Variants in PCDHGB6 observed in about 807,000 individuals in gnomAD.
The protein encoded by PCDHGB6 is protocadherin gamma subfamily B, 6.
Under a neutral mutation model 59.1 loss-of-function variants are expected in PCDHGB6, and 51 were observed. The ratio of observed to expected loss-of-function variants is 0.86; its 90% CI spans 0.69 to 1.09. PCDHGB6 has a LOEUF of 1.09. Among genes scored for constraint, PCDHGB6 ranks in the 50% least tolerant of loss-of-function variants. The pLI, the probability that PCDHGB6 is intolerant of heterozygous loss-of-function variation, is 0.00. For missense variants in PCDHGB6, 1,148 were observed against 1,205.1 expected (o/e 0.95, Z 0.70); for synonymous variants, 466 against 495.1 (o/e 0.94, Z 0.78).
Position 141,409,803 on chromosome 5 carries a change from C to G in PCDHGB6, c.1601C>G (p.Ala534Gly), listed in dbSNP as rs779815582. The G allele has an allele frequency of 1.4e-5, 23 of 1,611,528 alleles. No homozygotes were observed. The highest frequency in any genetic ancestry group is 7.7e-5 in the South Asian group (7 of 90,886). ...CGCGCCTTCGCGCTCACGCTGCAGG[C>G]CCGCGACCACGGCTCGCCCACGCTC... ...QLRAFALTLQARDHGSPTLSA... is the reference protein window; with the variant it reads ...QLRAFALTLQGRDHGSPTLSA... Residue 534 changes from alanine (A) to glycine (G), a missense_variant, in exon 1 of 4, where the codon GCC becomes GGC. By Grantham distance (60) the Ala-to-Gly change is moderately conservative. Around this residue, in one of 5 missense-constraint regions of PCDHGB6, gnomAD observed 549 missense variants for 527.5 expected, o/e 1.04. Coordinates refer to ENST00000520790, the MANE Select transcript of PCDHGB6 (RefSeq NM_018926.3).
chr5:141,436,051 A>G (rs2097793554), intron 1 of PCDHGB6, among the ~76,000 whole-genome samples: 1 of 152,194 alleles, frequency 6.6e-6, no homozygotes, highest in Admixed American at 6.5e-5. Flanking sequence ...ATTAGTTTTC[A>G]AATAGAATTT....
chr5:141,511,138 A>C lies in PCDHGB6; in HGVS notation c.2758A>C (p.Asn920His). 6.2e-7 allele frequency: 1 copy of C among 1,614,210 alleles called. No homozygotes were observed. ...DGKAPAGGNGNKKKSGKKEKK is the reference protein window; with the variant it reads ...DGKAPAGGNGHKKKSGKKEKK ...CAAGGCCCCAGCAGGTGGCAATGGCAACAAGAAGAAGTCGGGCAAGAAGGA... is the reference window on the plus strand; with the variant it reads ...CAAGGCCCCAGCAGGTGGCAATGGCCACAAGAAGAAGTCGGGCAAGAAGGA... Residue 920 changes from asparagine to histidine, a missense_variant, in exon 4 of 4, where the codon AAC becomes CAC. This residue lies in a region of PCDHGB6 where 283 missense variants were observed against 318.6 expected (regional missense o/e 0.89). Transcript: ENST00000520790.
Position 141,491,755 on chromosome 5 carries a change from G to T in PCDHGB6, c.2419-3052G>T, listed in dbSNP as rs1402188587. 3 of 1,582,078 alleles carry T rather than the reference G, an allele frequency of 1.9e-6. No individual in the cohort carries two copies. Among genetic ancestry groups the T allele is most frequent in the Non-Finnish European group, 2.6e-6 (3 of 1,165,458 alleles). On this transcript the variant is annotated intron_variant, in intron 1 of 3. Coordinates refer to ENST00000520790, the MANE Select transcript of PCDHGB6 (RefSeq NM_018926.3). This position sits in a 1 kb window ranked among gnomAD's most constrained non-coding sequence, Gnocchi z 6.9. ...CCCTGGGGGCGGCACTGGAGAAGCC[G>T]CCCGTCCTCATAAGGGATTGAACTT...
intron 1 of PCDHGB6, chr5:141,440,723 T>C (rs2098196558): frequency 6.6e-6 from 1 of 152,178 alleles, no homozygotes; most frequent in Non-Finnish European, 1.5e-5. Flanking sequence ...GTTGATCCTG[T>C]GTTAGAGAAG....
At position 141,511,563 on chromosome 5, in the gene PCDHGB6, C is replaced by T. The variant is rs911782127; in HGVS notation, c.*390C>T. ...CCCCACTCCAACAGTTCCTCTTTCCCGAGTAAGGTGGTTGGGGTGTTGAAG... is the reference window on the plus strand; with the variant it reads ...CCCCACTCCAACAGTTCCTCTTTCCTGAGTAAGGTGGTTGGGGTGTTGAAG... On this transcript the variant is annotated 3_prime_UTR_variant, in exon 4 of 4. Coordinates refer to ENST00000520790, the MANE Select transcript of PCDHGB6 (RefSeq NM_018926.3). The T allele has an allele frequency of 7.8e-5, 23 of 295,048 alleles. No homozygotes were observed. The highest frequency in any genetic ancestry group is 3.4e-4 in the African/African-American group (16 of 46,532). The allele number at this position is 295,048 out of a possible 1,614,324, so 18.3% of individuals were successfully genotyped here. A position where few individuals can be genotyped will look rare whatever the true frequency, so the allele number is the denominator to read the frequency against.
chr5:141,505,616 C>A, intron 3 of PCDHGB6, 135 bp downstream of exon 3: 1 of 1,503,160 alleles, frequency 6.7e-7, no homozygotes. Flanking sequence ...CTGAAAGGAC[C>A]CACAATTCCA....
Position 141,477,161 on chromosome 5 carries a change from G to A in PCDHGB6, c.2419-17646G>A, listed in dbSNP as rs761453939. On this transcript the variant is annotated intron_variant, in intron 1 of 3. Transcript: ENST00000520790. The surrounding 1 kb of genome is among the most constrained non-coding windows in gnomAD (Gnocchi z 4.9). ...GGAGGTTGTGGATGTGAATGACAAC[G>A]CCCCGGAGATCACAGTCACCTCCGT... 1.9e-6 allele frequency: 3 copies of A among 1,613,988 alleles called. No individual in the cohort carries two copies. The highest frequency in any genetic ancestry group is 2.7e-5 in the African/African-American group (2 of 74,904).
At chr5:141,414,629 G>A (rs2095766704) in intron 1 of PCDHGB6, 2 of 1,613,882 alleles carry the variant, frequency 1.2e-6, no homozygotes, top group Non-Finnish European at 1.7e-6. Context: ...GACCCGGACA[G>A]CAAAGAGAAT....
intron 2 of PCDHGB6, among the ~76,000 whole-genome samples, chr5:141,498,277 G>T (rs1216561939): frequency 6.6e-6 from 1 of 151,924 alleles, no homozygotes; most frequent in African/African-American, 2.4e-5. Flanking sequence ...CAGTAAACTT[G>T]GTTCAAGATC....
chr5:141,476,619 CTT>C lies in PCDHGB6; in HGVS notation c.2419-18186_2419-18185del. Reference sequence around the variant, plus strand: ...CACGATCCCGATGTGGGAAGCAACTCTTTACAAACCTATGAGCTGAGCCGAAA... The same window carrying C: ...CACGATCCCGATGTGGGAAGCAACTCTACAAACCTATGAGCTGAGCCGAAA... On this transcript the variant is annotated intron_variant, in intron 1 of 3. Transcript: ENST00000520790. This position sits in a 1 kb window ranked among gnomAD's most constrained non-coding sequence, Gnocchi z 7.6. The C allele has an allele frequency of 1.2e-6, 2 of 1,614,258 alleles. No homozygotes were observed. The highest frequency in any genetic ancestry group is 1.7e-6 in the Non-Finnish European group (2 of 1,180,052).
chr5:141,494,237 G>A (rs555725765), intron 1 of PCDHGB6, among the ~76,000 whole-genome samples: 3 of 152,312 alleles, frequency 2.0e-5, no homozygotes, highest in East Asian at 3.9e-4. Flanking sequence ...AATTAATAAT[G>A]TATTTAGCTG....
chr5:141,450,110 G>C (rs2098669636), intron 1 of PCDHGB6, among the ~76,000 whole-genome samples: 1 of 147,716 alleles, frequency 6.8e-6, no homozygotes. Context: ...AGGTTCAAAT[G>C]ATTCTCCTGC....
At chr5:141,471,590 T>C (rs2099260583) in intron 1 of PCDHGB6, 1 of 152,120 alleles carries the variant, frequency 6.6e-6, no homozygotes. Flanking sequence ...AAGTAATTGA[T>C]AGTTTCAAAA....
chr5:141,415,585 C>G (rs1589974529), intron 1 of PCDHGB6: 5 of 1,613,900 alleles, frequency 3.1e-6, no homozygotes, highest in Non-Finnish European at 3.4e-6. Context: ...TTCGAAGTTT[C>G]CTATAGAGGA....
intron 1 of PCDHGB6, among the ~76,000 whole-genome samples, chr5:141,449,589 A>G (rs1196329432): frequency 7.6e-6 from 1 of 131,966 alleles, no homozygotes; most frequent in Non-Finnish European, 1.7e-5. Context: ...ACTCTGTCTC[A>G]AAAAAAAAAA....
At chr5:141,471,111 C>T (rs529680278) in intron 1 of PCDHGB6, among the ~76,000 whole-genome samples, 1 of 146,150 alleles carries the variant, frequency 6.8e-6, no homozygotes, top group African/African-American at 2.6e-5. Flanking sequence ...TGCAGTGGTG[C>T]GATCTTACCT....
intron 1 of PCDHGB6, among the ~76,000 whole-genome samples, chr5:141,455,419 G>T (rs1462099602): frequency 6.6e-6 from 1 of 152,124 alleles, no homozygotes; most frequent in Non-Finnish European, 1.5e-5. Flanking sequence ...AGGGAGCGGG[G>T]CTCCAAAAGA....
At chr5:141,419,187 C>G (rs1179461161) in intron 1 of PCDHGB6, 4 of 1,614,024 alleles carry the variant, frequency 2.5e-6, no homozygotes, top group Non-Finnish European at 2.5e-6. Context: ...CTGCACATTA[C>G]TGACGTCAAT....
At chr5:141,430,980 T>C in intron 1 of PCDHGB6, 1 of 1,613,618 alleles carries the variant, frequency 6.2e-7, no homozygotes, top group African/African-American at 1.3e-5. Context: ...AGGACGCAGC[T>C]TTTCGCCCTG....
Sources: allele counts gnomAD v4.1 joint callset (sites outside exome capture counted in the v4.1 genomes callset), GRCh38; gene constraint gnomAD v4.1.1; regional missense constraint gnomAD v4.1.1; non-coding constraint Gnocchi (gnomAD v3.1); transcripts MANE v1.5; gene names NCBI Gene and HGNC (gene_info 2026-07-23, HGNC 2026-07-21).